Variants in RANBP17 observed in about 807,000 individuals in gnomAD.
The protein encoded by RANBP17 is RAN binding protein 17.
In RANBP17, 158 loss-of-function variants were observed where a neutral mutation model predicts 141.2. That is an observed-to-expected ratio of 1.12 (90% CI 0.98 to 1.28). The LOEUF (loss-of-function observed/expected upper bound fraction) is 1.28. RANBP17 is among the 50% of genes most tolerant of loss of function. The pLI, the probability that RANBP17 is intolerant of heterozygous loss-of-function variation, is 0.00. For synonymous variants in RANBP17, 430 were observed against 450.0 expected, an observed-to-expected ratio of 0.96 and a Z score of 0.56; for missense variants, 1,438 against 1,290.7, an observed-to-expected ratio of 1.11 and a Z score of -1.75.
chr5:171,035,536 T>C (rs923753134), intron 14 of RANBP17, among the ~76,000 whole-genome samples: 2 of 148,998 alleles, frequency 1.3e-5, no homozygotes, highest in African/African-American at 4.9e-5. Context: ...AGGTCTAGAG[T>C]TTTTTTTTGT....
In RANBP17 at chr5:171,125,834, A is replaced by G. The variant is rs554141114; in HGVS notation, c.1711-44296A>G. Among the ~76,000 whole-genome samples, 6 of 150,084 alleles carry G rather than the reference A, an allele frequency of 4.0e-5. No individual in the cohort carries two copies. The East Asian group carries it at 1.2e-3, about 29-fold the overall frequency. ...GAGACGGAGTCTTGCTCTGTCGCCCAGGCTAGAGTGCAATGGCACAATCTC... is the reference window on the plus strand; with the variant it reads ...GAGACGGAGTCTTGCTCTGTCGCCCGGGCTAGAGTGCAATGGCACAATCTC... On this transcript the variant is annotated intron_variant, in intron 14 of 27. Coordinates refer to ENST00000523189, the MANE Select transcript of RANBP17 (RefSeq NM_022897.5).
intron 22 of RANBP17, among the ~76,000 whole-genome samples, chr5:171,235,969 T>C (rs1284395813): frequency 6.6e-6 from 1 of 152,204 alleles, no homozygotes; most frequent in Non-Finnish European, 1.5e-5. Context: ...TCCCAACAAT[T>C]TTTTATTTTT....
At chr5:171,298,629 C>T (rs1160300415) in intron 27 of RANBP17, 133 bp from the exon 28 acceptor site, 1 of 583,256 alleles carries the variant, frequency 1.7e-6, no homozygotes, top group East Asian at 2.9e-5. Context: ...GAAAGGAGCT[C>T]AGCTGAAATC....
At chr5:171,255,281 C>T (rs532969505) in intron 24 of RANBP17, among the ~76,000 whole-genome samples, 173 of 152,220 alleles carry the variant, frequency 1.1e-3, no homozygotes, top group Non-Finnish European at 1.9e-3. Flanking sequence ...TGTATTTCTG[C>T]AGCTTTCAGT....
At chr5:171,106,168 C>T (rs1754819721) in intron 14 of RANBP17, among the ~76,000 whole-genome samples, 1 of 152,072 alleles carries the variant, frequency 6.6e-6, no homozygotes. Context: ...GTGAGACTGA[C>T]AAAAAACAGT....
chr5:171,164,149 A>G (rs1006448392), intron 14 of RANBP17, among the ~76,000 whole-genome samples: 12 of 152,120 alleles, frequency 7.9e-5, no homozygotes, highest in Non-Finnish European at 1.8e-4. Flanking sequence ...ACTGTTATTG[A>G]ATTTCTGTGA....
intron 25 of RANBP17, among the ~76,000 whole-genome samples, chr5:171,276,764 G>A (rs781418246): frequency 2.0e-5 from 3 of 151,982 alleles, no homozygotes; most frequent in Non-Finnish European, 4.4e-5. Context: ...AGCTACACAG[G>A]GTTAGCCCAA....
chr5:171,062,242 T>C lies in RANBP17; in HGVS notation c.1710+93865T>C, dbSNP rs555480687. ...GATTTTGCTCGTTAGTTGATGGAGTTTCTTCCTAGCCTTGATGGTCTTTAC... is the reference window on the plus strand; with the variant it reads ...GATTTTGCTCGTTAGTTGATGGAGTCTCTTCCTAGCCTTGATGGTCTTTAC... On this transcript the variant is annotated intron_variant, in intron 14 of 27. Coordinates refer to ENST00000523189, the MANE Select transcript of RANBP17 (RefSeq NM_022897.5). 1.8e-4 allele frequency among the ~76,000 whole-genome samples: 27 copies of C among 152,334 alleles called. No individual in the cohort carries two copies. The East Asian group carries it at 5.0e-3, about 28-fold the overall frequency.
At chr5:171,112,868 T>C (rs779590098) in intron 14 of RANBP17, among the ~76,000 whole-genome samples, 2 of 152,098 alleles carry the variant, frequency 1.3e-5, no homozygotes, top group Non-Finnish European at 2.9e-5. Flanking sequence ...ATTTTAGAGA[T>C]AGTGCAAGAA....
At chr5:171,190,823 C>T (rs933070578) in intron 18 of RANBP17, among the ~76,000 whole-genome samples, 3 of 152,086 alleles carry the variant, frequency 2.0e-5, no homozygotes, top group African/African-American at 7.2e-5. Context: ...TGGTGAAGAA[C>T]CAAAATTATT....
chr5:171,051,120 C>T (rs1033479233), intron 14 of RANBP17, among the ~76,000 whole-genome samples: 19 of 151,866 alleles, frequency 1.3e-4, no homozygotes, highest in Non-Finnish European at 2.4e-4. Context: ...TTTTTCTTGG[C>T]CTTAGTTTTC....
intron 14 of RANBP17, among the ~76,000 whole-genome samples, chr5:171,105,307 G>A (rs932967249): frequency 2.7e-5 from 4 of 146,180 alleles, no homozygotes; most frequent in African/African-American, 7.6e-5. Flanking sequence ...GCGTGAACCC[G>A]GGAGGCGGAG....
At chr5:171,083,854 G>C (rs1264270822) in intron 14 of RANBP17, among the ~76,000 whole-genome samples, 5 of 152,066 alleles carry the variant, frequency 3.3e-5, no homozygotes, top group Admixed American at 3.3e-4. Context: ...TGCCATGTGA[G>C]ACGTGCCTTT....
At chr5:171,145,574 T>C (rs1454520768) in intron 14 of RANBP17, among the ~76,000 whole-genome samples, 1 of 152,188 alleles carries the variant, frequency 6.6e-6, no homozygotes, top group African/African-American at 2.4e-5. Flanking sequence ...TTTCTGAATG[T>C]TTTGATACTA....
intron 14 of RANBP17, among the ~76,000 whole-genome samples, chr5:171,044,114 C>T (rs1204574638): frequency 6.6e-6 from 1 of 152,064 alleles, no homozygotes; most frequent in Non-Finnish European, 1.5e-5. Flanking sequence ...CTATTATGAT[C>T]TTAAATATGA....
At chr5:170,955,681 T>TATATATATATATATATATACACAC (rs769742239) in intron 13 of RANBP17, among the ~76,000 whole-genome samples, 2 of 39,060 alleles carry the variant, frequency 5.1e-5, no homozygotes, top group African/African-American at 1.5e-4. Flanking sequence ...TATATATATA[T>TATATATATATATATATATACACAC]ACACTGAATG....
intron 22 of RANBP17, among the ~76,000 whole-genome samples, chr5:171,233,673 C>T (rs948285289): frequency 2.6e-5 from 4 of 152,164 alleles, no homozygotes; most frequent in African/African-American, 7.2e-5. Context: ...ATCCCAACTA[C>T]GTGACATTCT....
intron 14 of RANBP17, among the ~76,000 whole-genome samples, chr5:171,137,950 G>T (rs201175416): frequency 3.5e-5 from 5 of 144,826 alleles, no homozygotes; most frequent in Non-Finnish European, 7.6e-5. Flanking sequence ...TGATATATGA[G>T]ATATATATAT....
Position 171,242,788 on chromosome 5 carries a change from T to C in RANBP17, c.2744T>C (p.Leu915Pro), listed in dbSNP as rs201684385. The C allele has an allele frequency of 1.9e-6, 3 of 1,613,702 alleles. No individual in the cohort carries two copies. The highest frequency in any genetic ancestry group is 2.5e-6 in the Non-Finnish European group (3 of 1,179,792). The change falls in exon 24 of 28, where the codon CTC (leucine) becomes CCC (proline). Residue 915 changes from leucine (L) to proline (P), a missense_variant. By Grantham distance (98) the Leu-to-Pro change is moderately conservative (BLOSUM62 -3). Transcript: ENST00000523189. ...NLEPPVLMYVLTSISEGLTTL... is the reference protein window; with the variant it reads ...NLEPPVLMYVPTSISEGLTTL... The stretch of plus-strand genomic sequence containing the variant: ...GAGCCTCCTGTACTCATGTATGTTC[T>C]CACATCTATCTCAGAGGGACTCACT...
Sources: allele counts gnomAD v4.1 joint callset (sites outside exome capture counted in the v4.1 genomes callset), GRCh38; gene constraint gnomAD v4.1.1; transcripts MANE v1.5; gene names NCBI Gene and HGNC (gene_info 2026-07-23, HGNC 2026-07-21).